The following CNTNAP2 variants were observed in gnomAD, a reference collection of about 807,000 sequenced individuals.
CNTNAP2 encodes contactin associated protein 2.
A neutral mutation model predicts 155.2 loss-of-function variants in CNTNAP2; 98 were observed. The ratio of observed to expected loss-of-function variants is 0.63; its 90% CI spans 0.54 to 0.75. CNTNAP2 has a LOEUF of 0.75. Ranked by LOEUF, CNTNAP2 falls within the 30% of genes least tolerant of loss-of-function variation. The probability of loss-of-function intolerance (pLI) is 0.00; values close to 1 mark genes in which losing one functional copy is unlikely to be tolerated. For missense variants in CNTNAP2, 1,727 were observed against 1,688.1 expected (o/e 1.02, Z -0.40); for synonymous variants, 651 against 631.2 (o/e 1.03, Z -0.47).
At chr7:146,723,093 G>C (rs1482894316) in intron 1 of CNTNAP2, among the ~76,000 whole-genome samples, 2 of 152,084 alleles carry the variant, frequency 1.3e-5, no homozygotes, top group Non-Finnish European at 2.9e-5. Context: ...TTGCAGATAG[G>C]GTCCTAGCAG....
intron 8 of CNTNAP2, among the ~76,000 whole-genome samples, chr7:147,142,337 G>C (rs1016650751): frequency 6.6e-6 from 1 of 152,040 alleles, no homozygotes; most frequent in Non-Finnish European, 1.5e-5. Context: ...ATAATCATGT[G>C]GTTTTTGTCA....
intron 1 of CNTNAP2, among the ~76,000 whole-genome samples, chr7:146,510,978 G>A (rs554585627): frequency 2.0e-5 from 3 of 151,896 alleles, no homozygotes; most frequent in Non-Finnish European, 4.4e-5. Flanking sequence ...CTCACTGCAA[G>A]CTCCACCTCC....
At chr7:146,996,532 A>C (rs940258241) in intron 3 of CNTNAP2, among the ~76,000 whole-genome samples, 4 of 152,110 alleles carry the variant, frequency 2.6e-5, no homozygotes, top group Non-Finnish European at 4.4e-5. Context: ...GTACAGAAAC[A>C]CTACTGATTT....
chr7:148,012,029 T>G (rs918176072), intron 15 of CNTNAP2, among the ~76,000 whole-genome samples: 2 of 152,212 alleles, frequency 1.3e-5, no homozygotes, highest in African/African-American at 4.8e-5. Flanking sequence ...TGTCCCCAGT[T>G]AAGGGCCAGC....
At chr7:146,960,593 G>A (rs1797536997) in intron 3 of CNTNAP2, among the ~76,000 whole-genome samples, 1 of 152,070 alleles carries the variant, frequency 6.6e-6, no homozygotes, top group Non-Finnish European at 1.5e-5. Context: ...AGGCATATAA[G>A]GATTTATTCA....
chr7:146,560,454 A>G (rs542020220), intron 1 of CNTNAP2, among the ~76,000 whole-genome samples: 1 of 151,962 alleles, frequency 6.6e-6, no homozygotes, highest in Non-Finnish European at 1.5e-5. Flanking sequence ...ATATGTGTAT[A>G]TATATGTGTG....
At chr7:147,677,676 T>C (rs1011268369) in intron 13 of CNTNAP2, among the ~76,000 whole-genome samples, 1 of 151,870 alleles carries the variant, frequency 6.6e-6, no homozygotes, top group Non-Finnish European at 1.5e-5. Flanking sequence ...TTTTAATCCA[T>C]TTTAAGCAGA....
chr7:146,448,862 G>T (rs1281992298), intron 1 of CNTNAP2, among the ~76,000 whole-genome samples: 1 of 152,024 alleles, frequency 6.6e-6, no homozygotes, highest in African/African-American at 2.4e-5. Flanking sequence ...CCGTCTGCTG[G>T]ATGTAGAAAC....
At chr7:148,253,704 C>T (rs1796410841) in intron 20 of CNTNAP2, among the ~76,000 whole-genome samples, 1 of 152,208 alleles carries the variant, frequency 6.6e-6, no homozygotes, top group Admixed American at 6.5e-5. Context: ...GACAGTCATT[C>T]ATCTGTGCTC....
intron 1 of CNTNAP2, among the ~76,000 whole-genome samples, chr7:146,676,908 G>C (rs140610963): frequency 0.011 from 1,669 of 152,288 alleles, 12 homozygotes; most frequent in Middle Eastern, 0.024. Flanking sequence ...TTCAAGATGA[G>C]ATTTGGGTGG....
intron 1 of CNTNAP2, among the ~76,000 whole-genome samples, chr7:146,347,668 C>T (rs962026844): frequency 1.3e-5 from 2 of 152,096 alleles, no homozygotes; most frequent in Non-Finnish European, 2.9e-5. Flanking sequence ...CTGCTTCAAG[C>T]GATTCTCCTG....
intron 14 of CNTNAP2, among the ~76,000 whole-genome samples, chr7:147,942,028 T>G (rs1484713845): frequency 6.6e-6 from 1 of 152,232 alleles, no homozygotes; most frequent in African/African-American, 2.4e-5. Flanking sequence ...CTTACTGGCT[T>G]TTAAGACACG....
intron 2 of CNTNAP2, among the ~76,000 whole-genome samples, chr7:146,823,730 G>A (rs989093376): frequency 6.6e-6 from 1 of 151,560 alleles, no homozygotes; most frequent in Non-Finnish European, 1.5e-5. Flanking sequence ...TTAAATAGTT[G>A]AGTCAGTATT....
chr7:147,792,136 T>C, intron 13 of CNTNAP2, among the ~76,000 whole-genome samples: 1 of 152,226 alleles, frequency 6.6e-6, no homozygotes. Context: ...TCTCCACGTA[T>C]TATAGTATAT....
intron 13 of CNTNAP2, among the ~76,000 whole-genome samples, chr7:147,841,571 C>G (rs1032387937): frequency 1.3e-5 from 2 of 152,160 alleles, no homozygotes; most frequent in African/African-American, 2.4e-5. Context: ...CCTACGCTAC[C>G]TATTTCACAA....
chr7:147,621,770 T>A (rs936539828), intron 12 of CNTNAP2, among the ~76,000 whole-genome samples: 9 of 151,926 alleles, frequency 5.9e-5, no homozygotes, highest in Non-Finnish European at 1.3e-4. Flanking sequence ...CAAGAGTAAC[T>A]TCTTACTTAT....
At chr7:148,196,225 GA>G (rs1452524759) in intron 18 of CNTNAP2, among the ~76,000 whole-genome samples, 1 of 152,186 alleles carries the variant, frequency 6.6e-6, no homozygotes, top group Non-Finnish European at 1.5e-5. Context: ...GAAATTCCCT[GA>G]AAAATTTTTT....
intron 15 of CNTNAP2, among the ~76,000 whole-genome samples, chr7:148,016,235 T>C (rs568656324): frequency 6.6e-6 from 1 of 152,370 alleles, no homozygotes; most frequent in African/African-American, 2.4e-5. Flanking sequence ...TGGGGAAGTC[T>C]GTTTACACTG....
chr7:146,159,841 A>C (rs1016005471), intron 1 of CNTNAP2, among the ~76,000 whole-genome samples: 4 of 152,168 alleles, frequency 2.6e-5, no homozygotes, highest in Non-Finnish European at 5.9e-5. Flanking sequence ...TGAGACAGAA[A>C]GTTAACAAGG....
Sources: gnomAD v4.1 joint callset for allele counts (sites outside exome capture counted in the v4.1 genomes callset) on GRCh38, gnomAD v4.1.1 for gene constraint, MANE v1.5 for transcripts, NCBI Gene and HGNC (gene_info 2026-07-23, HGNC 2026-07-21) for gene names.